The following CNTNAP5 variants were observed in gnomAD, a reference collection of about 807,000 sequenced individuals.
CNTNAP5 encodes contactin associated protein family member 5.
A neutral mutation model predicts 150.2 loss-of-function variants in CNTNAP5; 72 were observed. The observed-to-expected ratio is 0.48, with a 90% CI of 0.40 to 0.58. The LOEUF (loss-of-function observed/expected upper bound fraction) is 0.58. Ranked by LOEUF, CNTNAP5 falls within the 20% of genes least tolerant of loss-of-function variation. The pLI, the probability that CNTNAP5 is intolerant of heterozygous loss-of-function variation, is 0.00. For synonymous variants in CNTNAP5, 672 were observed against 619.8 expected (o/e 1.08, Z -1.25); for missense variants, 1,636 against 1,626.2 (o/e 1.01, Z -0.10).
intron 14 of CNTNAP5, among the ~76,000 whole-genome samples, chr2:124,762,123 A>G (rs1680968803): frequency 6.6e-6 from 1 of 152,140 alleles, no homozygotes; most frequent in Admixed American, 6.6e-5. Flanking sequence ...GGAGATTGAA[A>G]TTCATCCCTG....
intron 3 of CNTNAP5, among the ~76,000 whole-genome samples, chr2:124,390,461 C>A (rs1463502951): frequency 6.6e-6 from 1 of 152,142 alleles, no homozygotes; most frequent in Non-Finnish European, 1.5e-5. Flanking sequence ...CACTGGCTAG[C>A]CCCAATCTGA....
At chr2:124,244,029 T>C (rs1274443883) in intron 3 of CNTNAP5, among the ~76,000 whole-genome samples, 1 of 152,166 alleles carries the variant, frequency 6.6e-6, no homozygotes, top group Non-Finnish European at 1.5e-5. Context: ...CTGGTACTTG[T>C]CATTGGGACT....
chr2:124,622,469 C>A (rs1322959760), intron 12 of CNTNAP5, among the ~76,000 whole-genome samples: 5 of 151,934 alleles, frequency 3.3e-5, no homozygotes, highest in Non-Finnish European at 7.4e-5. Flanking sequence ...GATTTAGATT[C>A]CTTTGGGTAT....
intron 10 of CNTNAP5, among the ~76,000 whole-genome samples, chr2:124,530,215 C>T (rs1558941795): frequency 1.3e-5 from 2 of 152,146 alleles, no homozygotes; most frequent in African/African-American, 2.4e-5. Context: ...GAGGCTGAGA[C>T]AGAAGAATCC....
intron 12 of CNTNAP5, among the ~76,000 whole-genome samples, chr2:124,610,239 C>T (rs181616020): frequency 6.6e-6 from 1 of 152,230 alleles, no homozygotes; most frequent in East Asian, 1.9e-4. Flanking sequence ...GGTAAATAAG[C>T]AAACAAACAA....
chr2:124,072,855 G>T (rs1300507835), intron 1 of CNTNAP5, among the ~76,000 whole-genome samples: 2 of 151,696 alleles, frequency 1.3e-5, no homozygotes, highest in Non-Finnish European at 2.9e-5. Context: ...ATAGAAAAAA[G>T]AATTCTAAAA....
At chr2:124,582,907 G>A (rs1310412698) in intron 11 of CNTNAP5, among the ~76,000 whole-genome samples, 1 of 152,038 alleles carries the variant, frequency 6.6e-6, no homozygotes, top group Non-Finnish European at 1.5e-5. Flanking sequence ...TTAAAAAATT[G>A]CAGAAAATAA....
At chr2:124,813,093 T>G (rs186952380) in intron 19 of CNTNAP5, among the ~76,000 whole-genome samples, 2 of 152,196 alleles carry the variant, frequency 1.3e-5, no homozygotes, top group Admixed American at 1.3e-4. Context: ...TTTTGTTTTT[T>G]TGTGATGGAG....
chr2:124,202,650 C>T (rs1298046082), intron 1 of CNTNAP5, among the ~76,000 whole-genome samples: 1 of 152,150 alleles, frequency 6.6e-6, no homozygotes, highest in Non-Finnish European at 1.5e-5. Context: ...GCTGGGAAGC[C>T]ATCACGATCA....
intron 3 of CNTNAP5, among the ~76,000 whole-genome samples, chr2:124,328,437 C>T (rs1689272745): frequency 6.6e-6 from 1 of 152,186 alleles, no homozygotes; most frequent in African/African-American, 2.4e-5. Flanking sequence ...TTCTTGAACT[C>T]ATCCCAGAGC....
chr2:124,902,299 A>G (rs1395007560), intron 21 of CNTNAP5, among the ~76,000 whole-genome samples: 6 of 152,164 alleles, frequency 3.9e-5, no homozygotes, highest in Non-Finnish European at 8.8e-5. Flanking sequence ...AAACCCATGC[A>G]CACCAATCAG....
intron 1 of CNTNAP5, among the ~76,000 whole-genome samples, chr2:124,098,714 T>G (rs576109640): frequency 1.3e-5 from 2 of 151,948 alleles, no homozygotes; most frequent in African/African-American, 4.8e-5. Context: ...ACTCTCTGTG[T>G]CTGGCGTTGA....
intron 3 of CNTNAP5, among the ~76,000 whole-genome samples, chr2:124,307,549 C>T (rs1435395780): frequency 6.6e-6 from 1 of 152,200 alleles, no homozygotes; most frequent in Non-Finnish European, 1.5e-5. Flanking sequence ...TATCCAGGAC[C>T]TGAAATCTGT....
chr2:124,303,502 C>G (rs553551937), intron 3 of CNTNAP5, among the ~76,000 whole-genome samples: 2 of 152,262 alleles, frequency 1.3e-5, no homozygotes, highest in South Asian at 4.1e-4. Flanking sequence ...TCACAGCAAC[C>G]AAGACAGGTG....
At position 124,232,168 on chromosome 2, in the gene CNTNAP5, G is replaced by A. The variant is rs1189329481; in HGVS notation, c.188-10032G>A. On this transcript the variant is annotated intron_variant, in intron 2 of 23. Coordinates refer to ENST00000682447, the MANE Select transcript of CNTNAP5 (RefSeq NM_001367498.1). ...ATTAGTTCATTGAATTTAACTTAAA[G>A]CATTGCAACAAAACTGTAAGAATAG... 2.6e-5 allele frequency among the ~76,000 whole-genome samples: 4 copies of A among 152,186 alleles called. 1 individual carries two copies. The South Asian group carries it at 8.3e-4, about 32-fold the overall frequency.
At chr2:124,762,018 A>T (rs746836230) in intron 14 of CNTNAP5, among the ~76,000 whole-genome samples, 26 of 152,062 alleles carry the variant, frequency 1.7e-4, no homozygotes, top group Non-Finnish European at 3.1e-4. Flanking sequence ...TGCAGTACAG[A>T]ATTTCTTCAG....
chr2:124,317,833 A>ATG (rs146716724), intron 3 of CNTNAP5, among the ~76,000 whole-genome samples: 10,387 of 151,534 alleles, frequency 0.069, 420 homozygotes, highest in Non-Finnish European at 0.091. Context: ...GTAATGGAAC[A>ATG]TGTGTGTGTG....
intron 1 of CNTNAP5, among the ~76,000 whole-genome samples, chr2:124,032,582 G>GA (rs965115194): frequency 7.3e-5 from 11 of 149,668 alleles, no homozygotes; most frequent in South Asian, 4.2e-4. Context: ...CACAGCATTG[G>GA]AAAAAAAAAT....
intron 19 of CNTNAP5, among the ~76,000 whole-genome samples, chr2:124,827,511 CCTT>C (rs1056477801): frequency 2.1e-4 from 32 of 152,292 alleles, no homozygotes; most frequent in African/African-American, 7.2e-4. Context: ...ACTGAGACAT[CCTT>C]CTTCTGTCAT....
Sources: gnomAD v4.1 joint callset for allele counts (sites outside exome capture counted in the v4.1 genomes callset) on GRCh38, gnomAD v4.1.1 for gene constraint, MANE v1.5 for transcripts, NCBI Gene and HGNC (gene_info 2026-07-23, HGNC 2026-07-21) for gene names.